The following TRHDE variants were observed in gnomAD, a reference collection of about 807,000 sequenced individuals.
TRHDE encodes the protein thyrotropin-releasing hormone-degrading ectoenzyme.
TRHDE carries 72 observed loss-of-function variants against 125.7 expected under a neutral mutation model. The observed-to-expected ratio is 0.57, with a 90% CI of 0.47 to 0.70. The LOEUF is 0.70. TRHDE is among the 30% of genes least tolerant of loss of function. TRHDE has a pLI of 0.00. For synonymous variants in TRHDE, 509 were observed against 509.1 expected (o/e 1.00, Z 0.00); for missense variants, 1,110 against 1,327.1 (o/e 0.84, Z 2.54).
At chr12:72,419,210 G>A (rs1367481041) in intron 3 of TRHDE, among the ~76,000 whole-genome samples, 1 of 152,098 alleles carries the variant, frequency 6.6e-6, no homozygotes, top group East Asian at 1.9e-4. Context: ...TAGTATAATT[G>A]GTGTTTAAAG....
At chr12:72,605,811 A>T (rs1872414894) in intron 12 of TRHDE, among the ~76,000 whole-genome samples, 1 of 152,138 alleles carries the variant, frequency 6.6e-6, no homozygotes, top group Admixed American at 6.5e-5. Context: ...ATTTTCTATT[A>T]TTCATTATTG....
At chr12:72,623,480 G>A (rs1013122946) in intron 15 of TRHDE, among the ~76,000 whole-genome samples, 1 of 152,024 alleles carries the variant, frequency 6.6e-6, no homozygotes, top group East Asian at 1.9e-4. Flanking sequence ...TGGGGAAAAT[G>A]CTATTTTAAA....
chr12:72,164,170 T>C (rs1317143798), intron 2 of TRHDE, among the ~76,000 whole-genome samples: 4 of 152,136 alleles, frequency 2.6e-5, no homozygotes, highest in Non-Finnish European at 5.9e-5. Context: ...AATGCATTGA[T>C]GAGGGTAGTT....
intron 6 of TRHDE, among the ~76,000 whole-genome samples, chr12:72,536,998 T>C (rs1868896470): frequency 6.6e-6 from 1 of 152,052 alleles, no homozygotes; most frequent in Non-Finnish European, 1.5e-5. Flanking sequence ...ATATTTTGAA[T>C]TGGGATCACA....
intron 2 of TRHDE, among the ~76,000 whole-genome samples, chr12:72,320,103 T>C (rs1469224589): frequency 6.6e-6 from 1 of 152,150 alleles, no homozygotes; most frequent in Non-Finnish European, 1.5e-5. Context: ...TTACACATGA[T>C]TTTCTCAATT....
chr12:72,430,935 T>C (rs1874450355), intron 3 of TRHDE, among the ~76,000 whole-genome samples: 2 of 152,102 alleles, frequency 1.3e-5, no homozygotes, highest in South Asian at 4.1e-4. Flanking sequence ...TTTAATTTTC[T>C]CAATATTTTA....
chr12:72,440,603 A>G (rs1230042447), intron 3 of TRHDE, among the ~76,000 whole-genome samples: 1 of 151,972 alleles, frequency 6.6e-6, no homozygotes, highest in Non-Finnish European at 1.5e-5. Context: ...TAACAGTCCT[A>G]TGATATATAT....
chr12:72,184,828 G>T (rs1877168169), intron 2 of TRHDE, among the ~76,000 whole-genome samples: 1 of 152,214 alleles, frequency 6.6e-6, no homozygotes, highest in Admixed American at 6.5e-5. Context: ...CCCTCCAGCA[G>T]TTGTTATGGT....
At chr12:72,629,055 T>G (rs1383684817) in intron 15 of TRHDE, among the ~76,000 whole-genome samples, 1 of 151,876 alleles carries the variant, frequency 6.6e-6, no homozygotes, top group African/African-American at 2.4e-5. Context: ...GCAGGGACTT[T>G]AATTGCTTCT....
At chr12:72,636,019 GT>G (rs1368016008) in intron 15 of TRHDE, among the ~76,000 whole-genome samples, 1 of 150,488 alleles carries the variant, frequency 6.6e-6, no homozygotes, top group East Asian at 2.0e-4. Flanking sequence ...CTTTAAAGTA[GT>G]TTTTTCCAAT....
At chr12:72,395,836 C>G (rs1872765366) in intron 3 of TRHDE, among the ~76,000 whole-genome samples, 1 of 152,162 alleles carries the variant, frequency 6.6e-6, no homozygotes, top group Non-Finnish European at 1.5e-5. Flanking sequence ...TCCAAGAAAA[C>G]AATCTCACAT....
At chr12:72,313,123 T>C (rs966928618) in intron 2 of TRHDE, among the ~76,000 whole-genome samples, 4 of 152,136 alleles carry the variant, frequency 2.6e-5, no homozygotes, top group Middle Eastern at 3.2e-3. Context: ...TGGGCAATAT[T>C]TATAGTCTCA....
At chr12:72,402,288 A>AAAAACCGCAAAAAT in intron 3 of TRHDE, among the ~76,000 whole-genome samples, 1 of 152,282 alleles carries the variant, frequency 6.6e-6, no homozygotes, top group East Asian at 1.9e-4. Context: ...ACCGCAAAAA[A>AAAAACCGCAAAAAT]AAAATCTCAT....
intron 12 of TRHDE, among the ~76,000 whole-genome samples, chr12:72,606,897 T>C (rs1388540729): frequency 6.6e-6 from 1 of 152,108 alleles, no homozygotes; most frequent in African/African-American, 2.4e-5. Context: ...TCACTGTGTA[T>C]CTCTAATAAT....
chr12:72,354,658 TA>T (rs1278288193), intron 2 of TRHDE, among the ~76,000 whole-genome samples: 1 of 149,100 alleles, frequency 6.7e-6, no homozygotes, highest in Non-Finnish European at 1.5e-5. Flanking sequence ...TTTTGTAAAA[TA>T]AATTATTTTA....
At chr12:72,197,444 A>G (rs1486681010) in intron 2 of TRHDE, among the ~76,000 whole-genome samples, 2 of 152,124 alleles carry the variant, frequency 1.3e-5, no homozygotes, top group Non-Finnish European at 2.9e-5. Context: ...CTAATTTTTT[A>G]TGGCTATACT....
At chr12:72,484,924 T>C (rs1053442868) in intron 5 of TRHDE, among the ~76,000 whole-genome samples, 1 of 152,072 alleles carries the variant, frequency 6.6e-6, no homozygotes, top group African/African-American at 2.4e-5. Flanking sequence ...AGAAATCTAG[T>C]AGAGCACAGA....
chr12:72,525,921 A>G (rs1868327948), intron 6 of TRHDE, among the ~76,000 whole-genome samples: 1 of 152,120 alleles, frequency 6.6e-6, no homozygotes, highest in South Asian at 2.1e-4. Flanking sequence ...TGCCTTTCGT[A>G]TTTCTGTTTC....
At chr12:72,519,952 TG>T (rs1338082019) in intron 6 of TRHDE, among the ~76,000 whole-genome samples, 2 of 152,166 alleles carry the variant, frequency 1.3e-5, no homozygotes, top group African/African-American at 4.8e-5. Flanking sequence ...TGAGGCTGTT[TG>T]GGGGTCAGGG....
Sources: allele counts gnomAD v4.1 joint callset (sites outside exome capture counted in the v4.1 genomes callset), GRCh38; gene constraint gnomAD v4.1.1; transcripts MANE v1.5; gene names NCBI Gene and HGNC (gene_info 2026-07-23, HGNC 2026-07-21).